CDH13: variants seen among roughly 807,000 people sequenced by gnomAD.
CDH13 encodes the protein cadherin 13, also known as cadherin-13.
Under a neutral mutation model 63.8 loss-of-function variants are expected in CDH13, and 24 were observed. The ratio of observed to expected loss-of-function variants is 0.38; its 90% CI spans 0.27 to 0.53. The LOEUF is 0.53. Among genes scored for constraint, CDH13 ranks in the 20% least tolerant of loss-of-function variants. The pLI, the probability that CDH13 is intolerant of heterozygous loss-of-function variation, is 0.85. For synonymous variants in CDH13, 503 were observed against 355.3 expected (o/e 1.42, Z -4.67); for missense variants, 1,049 against 903.1 (o/e 1.16, Z -2.07).
At chr16:83,113,282 C>A (rs1404734713) in intron 3 of CDH13, among the ~76,000 whole-genome samples, 2 of 152,194 alleles carry the variant, frequency 1.3e-5, no homozygotes, top group Non-Finnish European at 2.9e-5. Context: ...CTATTAAAGA[C>A]AAAATCAAAG....
At chr16:83,751,296 T>C (rs998933875) in intron 11 of CDH13, among the ~76,000 whole-genome samples, 4 of 152,112 alleles carry the variant, frequency 2.6e-5, no homozygotes, top group Admixed American at 1.3e-4. Context: ...AGAATAAACA[T>C]TGTGTTTTAC....
At position 83,568,920 on chromosome 16, in the gene CDH13, C is replaced by G. The variant is rs527492069; in HGVS notation, c.961-33534C>G. Among the ~76,000 whole-genome samples, 6 of 152,254 alleles carry G rather than the reference C, an allele frequency of 3.9e-5. No individual in the cohort carries two copies. The East Asian group carries it at 1.2e-3, about 30-fold the overall frequency. ...TCTCAGAACTGCCTCTCTGCTCCCA[C>G]TTCCATCCATTCTCTCACTGCCTCC... On this transcript the variant is annotated intron_variant, in intron 7 of 13. Transcript: ENST00000567109.
At chr16:82,831,611 C>T (rs961076727) in intron 1 of CDH13, among the ~76,000 whole-genome samples, 12 of 152,246 alleles carry the variant, frequency 7.9e-5, no homozygotes, top group African/African-American at 2.6e-4. Context: ...GAACCAACAA[C>T]CAAATCAATA....
intron 6 of CDH13, among the ~76,000 whole-genome samples, chr16:83,365,063 A>T (rs2091232757): frequency 6.6e-6 from 1 of 152,248 alleles, no homozygotes; most frequent in Non-Finnish European, 1.5e-5. Flanking sequence ...CATGTATCCC[A>T]GAACTTAAAG....
intron 7 of CDH13, among the ~76,000 whole-genome samples, chr16:83,550,010 C>T (rs2075461436): frequency 6.6e-6 from 1 of 152,194 alleles, no homozygotes; most frequent in African/African-American, 2.4e-5. Flanking sequence ...ACTTGGCTGA[C>T]CAAGCCAAAA....
intron 1 of CDH13, among the ~76,000 whole-genome samples, chr16:82,670,837 G>C (rs1425686108): frequency 3.3e-5 from 5 of 152,156 alleles, no homozygotes; most frequent in African/African-American, 1.2e-4. Flanking sequence ...CTAATATGTA[G>C]TAACAGCTGT....
intron 4 of CDH13, among the ~76,000 whole-genome samples, chr16:83,152,659 T>C (rs965781310): frequency 2.0e-5 from 3 of 152,216 alleles, no homozygotes; most frequent in Non-Finnish European, 2.9e-5. Context: ...TATGGGACTA[T>C]AGGCAAAAGC....
chr16:83,686,086 C>T (rs2150883242), intron 10 of CDH13, among the ~76,000 whole-genome samples: 1 of 152,300 alleles, frequency 6.6e-6, no homozygotes, highest in Admixed American at 6.5e-5. Flanking sequence ...CCTCCCTGAG[C>T]CGTGGTTAAA....
chr16:82,913,098 T>C (rs886483293), intron 2 of CDH13, among the ~76,000 whole-genome samples: 1 of 152,190 alleles, frequency 6.6e-6, no homozygotes, highest in African/African-American at 2.4e-5. Flanking sequence ...TGAGACTCTC[T>C]GAGTAAGTGT....
chr16:82,659,324 T>C (rs12716949), intron 1 of CDH13, among the ~76,000 whole-genome samples: 28,209 of 152,010 alleles, frequency 0.19, 2,685 homozygotes, highest in Middle Eastern at 0.24. Context: ...TAAGCACACA[T>C]GAATAGGTAT....
intron 2 of CDH13, among the ~76,000 whole-genome samples, chr16:83,007,248 A>T (rs189884680): frequency 1.3e-5 from 2 of 152,272 alleles, no homozygotes; most frequent in East Asian, 3.9e-4. Flanking sequence ...AATCATAGTG[A>T]TGTTATGTTC....
intron 1 of CDH13, among the ~76,000 whole-genome samples, 200 bp downstream of exon 1, chr16:82,627,337 C>CTTGTGTGTGTGTGT (rs1361611702): frequency 7.6e-6 from 1 of 131,184 alleles, no homozygotes; most frequent in African/African-American, 2.8e-5. Context: ...CTCTGGCGTG[C>CTTGTGTGTGTGTGT]GTGTGTGTGT....
chr16:83,054,270 G>T (rs1488299753), intron 3 of CDH13, among the ~76,000 whole-genome samples: 1 of 152,136 alleles, frequency 6.6e-6, no homozygotes, highest in Non-Finnish European at 1.5e-5. Flanking sequence ...ATGCAAATAT[G>T]ACAAAGTTTA....
At chr16:83,000,897 G>C (rs1179469605) in intron 2 of CDH13, among the ~76,000 whole-genome samples, 1 of 152,130 alleles carries the variant, frequency 6.6e-6, no homozygotes, top group Non-Finnish European at 1.5e-5. Context: ...GTTAAGGACA[G>C]AACATGACTT....
intron 1 of CDH13, among the ~76,000 whole-genome samples, chr16:82,778,160 A>C (rs934694639): frequency 1.3e-5 from 2 of 152,210 alleles, no homozygotes; most frequent in African/African-American, 4.8e-5. Context: ...ATTTTAACGC[A>C]AAATGATGGG....
intron 6 of CDH13, among the ~76,000 whole-genome samples, chr16:83,428,394 T>A (rs1246368845): frequency 6.6e-6 from 1 of 152,206 alleles, no homozygotes; most frequent in Non-Finnish European, 1.5e-5. Flanking sequence ...ACTCCAATAT[T>A]TTCCTGAGTT....
At chr16:83,031,087 G>A (rs1916264110) in intron 2 of CDH13, among the ~76,000 whole-genome samples, 1 of 150,896 alleles carries the variant, frequency 6.6e-6, no homozygotes, top group Non-Finnish European at 1.5e-5. Context: ...ATACATATAT[G>A]GTGCATGCGT....
chr16:83,501,708 A>C (rs1598167106), intron 7 of CDH13, among the ~76,000 whole-genome samples: 1 of 152,188 alleles, frequency 6.6e-6, no homozygotes, highest in Admixed American at 6.5e-5. Context: ...GAGCCAGGGC[A>C]TTGGATTTGA....
intron 1 of CDH13, among the ~76,000 whole-genome samples, chr16:82,817,065 A>C (rs2037753975): frequency 6.6e-6 from 1 of 152,122 alleles, no homozygotes; most frequent in Admixed American, 6.5e-5. Context: ...GAAATCAACC[A>C]AGTGCATTGG....
Sources: allele counts gnomAD v4.1 joint callset (sites outside exome capture counted in the v4.1 genomes callset), GRCh38; gene constraint gnomAD v4.1.1; transcripts MANE v1.5; gene names NCBI Gene and HGNC (gene_info 2026-07-23, HGNC 2026-07-21).